Variants in CCDC40 observed in about 807,000 individuals in gnomAD.
The protein encoded by CCDC40 is coiled-coil domain 40 molecular ruler complex subunit.
In CCDC40, 104 loss-of-function variants were observed where a neutral mutation model predicts 124.5. That is an observed-to-expected ratio of 0.84 (90% CI 0.71 to 0.98). The LOEUF (loss-of-function observed/expected upper bound fraction) is 0.98, where lower values mean the gene tolerates loss of function less well. CCDC40 is among the 50% of genes least tolerant of loss of function. CCDC40 has a pLI of 0.00. For missense variants in CCDC40, 1,463 were observed against 1,503.9 expected (o/e 0.97, Z 0.45); for synonymous variants, 580 against 602.9 (o/e 0.96, Z 0.56).
intron 17 of CCDC40, among the ~76,000 whole-genome samples, chr17:80,094,001 T>G (rs1439812829): frequency 1.3e-5 from 2 of 152,214 alleles, no homozygotes; most frequent in African/African-American, 4.8e-5. Flanking sequence ...TGGTACATTT[T>G]AAACCTGAGT....
At chr17:80,056,722 A>C (rs12948591) in intron 7 of CCDC40, among the ~76,000 whole-genome samples, 150,034 of 152,196 alleles carry the variant, frequency 0.99, 73,986 homozygotes, top group Middle Eastern at 1. Context: ...AAGGAAGGAT[A>C]ATGAAAGAAA....
At chr17:80,076,270 A>T (rs183319558) in intron 10 of CCDC40, among the ~76,000 whole-genome samples, 445 of 152,124 alleles carry the variant, frequency 2.9e-3, no homozygotes, top group African/African-American at 0.01. Context: ...GAGTCAATCC[A>T]TTGTCTTATT....
chr17:80,088,120 G>A lies in CCDC40; in HGVS notation c.2711+18G>A. ...GAAGCAGAGTGAGTCCCAGTCTCCA[G>A]CCACACGTGGGTCATGAAGGTCACT... On this transcript the variant is annotated intron_variant, in intron 16 of 19. Coordinates refer to ENST00000397545, the MANE Select transcript of CCDC40 (RefSeq NM_017950.4). The A allele has an allele frequency of 6.3e-7, 1 of 1,578,752 alleles. No homozygotes were observed. Among genetic ancestry groups the A allele is most frequent in the Non-Finnish European group, 8.7e-7 (1 of 1,147,800 alleles).
chr17:80,050,192 G>T lies in CCDC40; in HGVS notation c.1068G>T (p.Ser356=). ...GTCACGACCGCCACGCAATGGCCTC[G>T]AGCGAGCGCAGGCAGAAGGAGGAGG... The part of the protein sequence containing the change: ...EKSHDRHAMA[S]SERRQKEEEL... Residue 356 remains serine, a synonymous_variant, in exon 7 of 20, where the codon TCG becomes TCT. Coordinates refer to ENST00000397545, the MANE Select transcript of CCDC40 (RefSeq NM_017950.4). 1 of 1,612,082 alleles carries T rather than the reference G, an allele frequency of 6.2e-7. No homozygotes were observed.
intron 3 of CCDC40, among the ~76,000 whole-genome samples, chr17:80,044,505 G>A (rs543314018): frequency 2.6e-4 from 39 of 152,010 alleles, no homozygotes; most frequent in Non-Finnish European, 4.7e-4. Context: ...CCAACATGGC[G>A]AGACCCCATC....
chr17:80,084,057 A>C (rs753664410), intron 12 of CCDC40, among the ~76,000 whole-genome samples: 2 of 152,202 alleles, frequency 1.3e-5, no homozygotes, highest in Non-Finnish European at 2.9e-5. Context: ...CTTGTGTCAG[A>C]ATTGCAGGCA....
At position 80,095,330 on chromosome 17, in the gene CCDC40, G is replaced by A. The variant is rs61686936; in HGVS notation, c.2900G>A (p.Arg967His). Residue 967 changes from arginine to histidine, a missense_variant, in exon 18 of 20, where the codon CGC becomes CAC. Physicochemically the swap from Arg to His is conservative, Grantham distance 29. Coordinates refer to ENST00000397545, the MANE Select transcript of CCDC40 (RefSeq NM_017950.4). Reference sequence around the variant, plus strand: ...CGTGCCATGGAGTTGGCGGTTGCCCGCAGAGAGACCGTCACCACCCAGGCC... The same window carrying A: ...CGTGCCATGGAGTTGGCGGTTGCCCACAGAGAGACCGTCACCACCCAGGCC... Reference protein sequence around the residue: ...MIRAMELAVARRETVTTQAEG... With the variant: ...MIRAMELAVAHRETVTTQAEG... 2.6e-3 allele frequency: 4,134 copies of A among 1,614,078 alleles called. 8 individuals are homozygous for A. The highest frequency in any genetic ancestry group is 3.6e-3 in the Middle Eastern group (22 of 6,062).
rs1047027478 is a variant in CCDC40, at chr17:80,099,993, A to T, written c.*218A>T. 9 of 586,408 alleles carry T rather than the reference A, an allele frequency of 1.5e-5. No homozygotes were observed. In the African/African-American group the frequency reaches 1.7e-4, roughly 11 times the overall value. 36.3% of individuals were successfully genotyped at this position (586,408 alleles called of 1,614,324 possible). A position where few individuals can be genotyped will look rare whatever the true frequency, so the allele number is the denominator to read the frequency against. ...ATCCTAGCGTTTCCCATGGCATCCCATCGCAAAGACAGAGCCTGTGACTGC... is the reference window on the plus strand; with the variant it reads ...ATCCTAGCGTTTCCCATGGCATCCCTTCGCAAAGACAGAGCCTGTGACTGC... On this transcript the variant is annotated 3_prime_UTR_variant, in exon 20 of 20. Coordinates refer to ENST00000397545, the MANE Select transcript of CCDC40 (RefSeq NM_017950.4).
At chr17:80,044,719 A>ATATATATATATATATATT (rs1568671692) in intron 3 of CCDC40, among the ~76,000 whole-genome samples, 1 of 30,076 alleles carries the variant, frequency 3.3e-5, no homozygotes, top group African/African-American at 7.4e-5. Context: ...AAAAAAAAAT[A>ATATATATATATATATATT]TATATATATA....
chr17:80,039,343 G>C (rs2037211749), intron 2 of CCDC40, among the ~76,000 whole-genome samples: 1 of 151,918 alleles, frequency 6.6e-6, no homozygotes, highest in South Asian at 2.1e-4. Context: ...CTCCAGCCTG[G>C]GCAGCAGAGT....
At chr17:80,062,592 A>G (rs942089906) in intron 9 of CCDC40, among the ~76,000 whole-genome samples, 1 of 151,580 alleles carries the variant, frequency 6.6e-6, no homozygotes, top group Non-Finnish European at 1.5e-5. Flanking sequence ...GCTGAGAATG[A>G]TGGTAGAGAC....
At position 80,099,402 on chromosome 17, in the gene CCDC40, G is replaced by A. The variant is rs55990144; in HGVS notation, c.3181-125G>A. The A allele has an allele frequency of 0.29, 331,773 of 1,125,104 alleles. 51,933 individuals are homozygous for A. The highest frequency in any genetic ancestry group is 0.48 in the African/African-American group (31,083 of 65,330). The allele number at this position is 1,125,104 out of a possible 1,614,324, so 69.7% of individuals were successfully genotyped here. A position where few individuals can be genotyped will look rare whatever the true frequency, so the allele number is the denominator to read the frequency against. On this transcript the variant is annotated intron_variant, in intron 19 of 19. Transcript: ENST00000397545. ...TCCAGGGGCGCAACACCTTCACGCC[G>A]TCCCTTTTCAGGCGTAGGTCTCGCC... is the stretch of plus-strand genomic sequence containing the variant.
In CCDC40 at chr17:80,049,862, GGGTAACCAGAAA is replaced by G. The variant is rs745550007; in HGVS notation, c.856-35_856-24del. The G allele has an allele frequency of 1.4e-4, 224 of 1,567,988 alleles. 1 individual carries two copies. The highest frequency in any genetic ancestry group is 3.3e-5 in the Admixed American group (2 of 59,866). The stretch of plus-strand genomic sequence containing the variant: ...GGGCTGAGCCCTGGGTCGGGCAGGA[GGGTAACCAGAAA>G]GGTAACCACCTGTGGTTTTCCATTG... On this transcript the variant is annotated intron_variant, in intron 5 of 19. Transcript: ENST00000397545.
At chr17:80,078,670 C>G (rs1310061309) in intron 10 of CCDC40, among the ~76,000 whole-genome samples, 1 of 152,158 alleles carries the variant, frequency 6.6e-6, no homozygotes, top group African/African-American at 2.4e-5. Context: ...CATTGTCTTT[C>G]TAACTAGAGC....
intron 1 of CCDC40, among the ~76,000 whole-genome samples, chr17:80,037,041 TAAGAG>T (rs1016718649): frequency 6.6e-6 from 1 of 152,066 alleles, no homozygotes; most frequent in African/African-American, 2.4e-5. Flanking sequence ...GCAGTCCTCC[TAAGAG>T]TAGAGGGCTC....
intron 17 of CCDC40, chr17:80,090,816 T>C: frequency 1.6e-6 from 2 of 1,213,106 alleles, no homozygotes; most frequent in Non-Finnish European, 2.1e-6. Context: ...CACCATGCCA[T>C]GCTAAATAGA....
intron 17 of CCDC40, among the ~76,000 whole-genome samples, 153 bp from the exon 18 acceptor site, chr17:80,095,110 C>T (rs991801894): frequency 2.0e-5 from 3 of 152,220 alleles, no homozygotes; most frequent in African/African-American, 7.2e-5. Context: ...GCCTCCATGT[C>T]CCTTGTTCCT....
intron 16 of CCDC40, chr17:80,088,413 C>T: frequency 2.5e-6 from 1 of 405,098 alleles, no homozygotes; most frequent in South Asian, 2.1e-5. Flanking sequence ...CACCATGCCT[C>T]ACTAATTTTT....
chr17:80,087,589 C>T lies in CCDC40; in HGVS notation c.2450-18C>T. On this transcript the variant is annotated intron_variant, in intron 14 of 19. Coordinates refer to ENST00000397545, the MANE Select transcript of CCDC40 (RefSeq NM_017950.4). This position sits in a 1 kb window ranked among gnomAD's most constrained non-coding sequence, Gnocchi z 4.5. ...ACCCTCCTGGGGTCTCTCCCTGAGT[C>T]TCTGTTTTCTGCCATAGGCAAGATT... 6.2e-7 allele frequency: 1 copy of T among 1,613,076 alleles called. No individual in the cohort carries two copies. The highest frequency in any genetic ancestry group is 8.5e-7 in the Non-Finnish European group (1 of 1,179,112).
Sources: gnomAD v4.1 joint callset for allele counts (sites outside exome capture counted in the v4.1 genomes callset) on GRCh38, gnomAD v4.1.1 for gene constraint, Gnocchi (gnomAD v3.1) non-coding constraint, MANE v1.5 for transcripts, NCBI Gene and HGNC (gene_info 2026-07-23, HGNC 2026-07-21) for gene names.